Variants in IL12RB2 observed in about 807,000 individuals in gnomAD.
IL12RB2 encodes interleukin-12 receptor subunit beta-2.
IL12RB2 carries 82 observed loss-of-function variants against 89.4 expected under a neutral mutation model. The ratio of observed to expected loss-of-function variants is 0.92; its 90% confidence interval spans 0.77 to 1.10. The LOEUF is 1.10. IL12RB2 is among the 50% of genes least tolerant of loss of function. The pLI is 0.00. For synonymous variants in IL12RB2, 368 were observed against 370.1 expected (o/e 0.99, Z 0.07); for missense variants, 963 against 1,031.9 (o/e 0.93, Z 0.92).
chr1:67,390,675 G>T lies in IL12RB2; in HGVS notation c.2046+547G>T, dbSNP rs1424485184. Among the ~76,000 whole-genome samples, 3 of 152,220 alleles carry T rather than the reference G, an allele frequency of 2.0e-5. No individual in the cohort carries two copies. In the East Asian group the frequency reaches 5.8e-4, roughly 29 times the overall value. On this transcript the variant is annotated intron_variant, in intron 16 of 16. Coordinates refer to ENST00000674203, the MANE Select transcript of IL12RB2 (RefSeq NM_001374259.2). ...TGATCAGCTGGCAGATGAGAGAGGG[G>T]AGAGTAAAGGAAGTGAAGGGAACTG...
At chr1:67,369,331 T>C (rs1329444131) in intron 11 of IL12RB2, among the ~76,000 whole-genome samples, 1 of 152,212 alleles carries the variant, frequency 6.6e-6, no homozygotes, top group Non-Finnish European at 1.5e-5. Context: ...GTTTTGACAT[T>C]ACACATAAAA....
chr1:67,334,919 T>C (rs1362269265), intron 8 of IL12RB2, among the ~76,000 whole-genome samples: 2 of 152,216 alleles, frequency 1.3e-5, no homozygotes, highest in Admixed American at 6.5e-5. Context: ...AGCATCATAT[T>C]TGTGTCTTTT....
chr1:67,360,402 GAA>G (rs367862217), intron 10 of IL12RB2, among the ~76,000 whole-genome samples: 1 of 117,944 alleles, frequency 8.5e-6, no homozygotes, highest in Non-Finnish European at 1.8e-5. Flanking sequence ...GTCTCAGAAA[GAA>G]AAAAAAAAAA....
At chr1:67,386,546 C>T (rs1203229238) in intron 14 of IL12RB2, 33 bp from the exon 15 acceptor site, 1 of 1,436,130 alleles carries the variant, frequency 7.0e-7, no homozygotes, top group Non-Finnish European at 9.8e-7. Flanking sequence ...TTGGTGATAA[C>T]TCACTCAGTC....
chr1:67,367,083 G>T (rs1333169433), intron 10 of IL12RB2, among the ~76,000 whole-genome samples: 1 of 152,088 alleles, frequency 6.6e-6, no homozygotes, highest in African/African-American at 2.4e-5. Flanking sequence ...AGGCACCTTT[G>T]AGGCTATAGA....
Position 67,321,718 on chromosome 1 carries a change from C to T in IL12RB2, c.193C>T (p.Arg65Cys), listed in dbSNP as rs140166116. The change falls in exon 4 of 17, where the codon CGT becomes TGT. Residue 65 changes from arginine (R) to cysteine (C), a missense_variant. By Grantham distance (180) the Arg-to-Cys change is radical. Coordinates refer to ENST00000674203, the MANE Select transcript of IL12RB2 (RefSeq NM_001374259.2). ...PRQGCFHYSR[R>C]NKLILYKFDR... ...ACAAGGCTGCTTTCACTATTCCAGA[C>T]GTAACAAGTTAATCCTGTACAAGTT... 53 of 1,610,630 alleles carry T rather than the reference C, an allele frequency of 3.3e-5. No homozygotes were observed. The highest frequency in any genetic ancestry group is 1.6e-4 in the Middle Eastern group (1 of 6,074).
chr1:67,338,824 T>G (rs753608399), intron 9 of IL12RB2, 121 bp downstream of exon 9: 16 of 715,806 alleles, frequency 2.2e-5, no homozygotes, highest in Non-Finnish European at 4.2e-5. Flanking sequence ...TTTTCTCACA[T>G]TCATGACACA....
intron 10 of IL12RB2, among the ~76,000 whole-genome samples, chr1:67,356,863 A>G (rs143551115): frequency 4.6e-5 from 7 of 152,380 alleles, no homozygotes; most frequent in African/African-American, 1.4e-4. Context: ...ACAAATCAGT[A>G]TCATAGGAAA....
intron 4 of IL12RB2, 96 bp downstream of exon 4, chr1:67,321,985 A>C: frequency 9.7e-7 from 1 of 1,035,746 alleles, no homozygotes. Flanking sequence ...AATACAGGTT[A>C]ATGTTCTTTC....
chr1:67,333,464 T>C (rs1423316287), intron 8 of IL12RB2, among the ~76,000 whole-genome samples: 1 of 151,858 alleles, frequency 6.6e-6, no homozygotes, highest in East Asian at 1.9e-4. Flanking sequence ...TTTGCAGCCT[T>C]TGCTTCTCAA....
chr1:67,382,981 C>A (rs1393298534), intron 14 of IL12RB2, among the ~76,000 whole-genome samples: 1 of 152,086 alleles, frequency 6.6e-6, no homozygotes, highest in Non-Finnish European at 1.5e-5. Context: ...TTGCATATAC[C>A]CCTGTTTTCA....
intron 2 of IL12RB2, among the ~76,000 whole-genome samples, chr1:67,319,353 G>A (rs764906201): frequency 3.9e-5 from 6 of 152,180 alleles, no homozygotes; most frequent in African/African-American, 1.4e-4. Context: ...ATCAGAAATT[G>A]CCAGCTTATG....
chr1:67,348,153 C>G (rs1660438426), intron 9 of IL12RB2, among the ~76,000 whole-genome samples: 1 of 152,130 alleles, frequency 6.6e-6, no homozygotes, highest in Non-Finnish European at 1.5e-5. Context: ...CAGCTTGTCT[C>G]CTGTGACTCA....
In IL12RB2 at chr1:67,330,709, C is replaced by A. The variant is rs1657965758; in HGVS notation, c.857C>A (p.Pro286Gln). Residue 286 changes from proline to glutamine, a missense_variant, in exon 8 of 17, where the codon CCA becomes CAA. Pro to Gln is a moderately conservative substitution (Grantham distance 76). Coordinates refer to ENST00000674203, the MANE Select transcript of IL12RB2 (RefSeq NM_001374259.2). ...KGRHDLLDLKPFTEYEFQISS... is the reference protein window; with the variant it reads ...KGRHDLLDLKQFTEYEFQISS... Reference sequence around the variant, plus strand: ...AGACATGATTTGCTGGATCTGAAACCATTTACAGAATATGAATTTCAGATT... The same window carrying A: ...AGACATGATTTGCTGGATCTGAAACAATTTACAGAATATGAATTTCAGATT... The A allele has an allele frequency of 1.3e-6, 2 of 1,533,828 alleles. No individual in the cohort carries two copies. Among genetic ancestry groups the A allele is most frequent in the Middle Eastern group, 3.4e-4 (2 of 5,882 alleles).
chr1:67,337,826 T>G (rs1658965018), intron 8 of IL12RB2, among the ~76,000 whole-genome samples: 1 of 151,512 alleles, frequency 6.6e-6, no homozygotes, highest in Non-Finnish European at 1.5e-5. Flanking sequence ...TATATTAGTG[T>G]ATTTTTACAA....
chr1:67,389,142 G>A (rs146036399), intron 15 of IL12RB2, among the ~76,000 whole-genome samples: 4 of 152,082 alleles, frequency 2.6e-5, no homozygotes, highest in African/African-American at 9.6e-5. Context: ...AGACTGGTGG[G>A]CAGCTGTGCT....
chr1:67,328,476 G>C (rs750282496), intron 6 of IL12RB2, 92 bp downstream of exon 6: 1 of 1,593,538 alleles, frequency 6.3e-7, no homozygotes, highest in Non-Finnish European at 8.5e-7. Context: ...GAAAGACAGA[G>C]ATTGATGGAA....
chr1:67,387,141 A>C (rs56871298), intron 15 of IL12RB2, among the ~76,000 whole-genome samples: 1 of 150,284 alleles, frequency 6.7e-6, no homozygotes, highest in Admixed American at 6.6e-5. Flanking sequence ...TGTTGGCCAG[A>C]CTGGTCCCGA....
intron 16 of IL12RB2, among the ~76,000 whole-genome samples, chr1:67,394,412 T>C (rs568124297): frequency 2.0e-5 from 3 of 151,906 alleles, no homozygotes; most frequent in Admixed American, 1.3e-4. Context: ...GGCAGCAAGT[T>C]CGGAAAGGAA....
Sources: allele counts gnomAD v4.1 joint callset (sites outside exome capture counted in the v4.1 genomes callset), GRCh38; gene constraint gnomAD v4.1.1; transcripts MANE v1.5; gene names NCBI Gene and HGNC (gene_info 2026-07-23, HGNC 2026-07-21).